GGA2: variants seen among roughly 807,000 people sequenced by gnomAD.
The protein encoded by GGA2 is golgi associated, gamma adaptin ear containing, ARF binding protein 2, also known as ADP-ribosylation factor-binding protein GGA2.
GGA2 carries 48 observed loss-of-function variants against 79.5 expected under a neutral mutation model. The ratio of observed to expected loss-of-function variants is 0.60; its 90% CI spans 0.48 to 0.77. GGA2 has a LOEUF of 0.77. Ranked by LOEUF, GGA2 falls within the 30% of genes least tolerant of loss-of-function variation. The pLI, the probability that GGA2 is intolerant of heterozygous loss-of-function variation, is 0.00. For synonymous variants in GGA2, 317 were observed against 302.0 expected (o/e 1.05, Z -0.51); for missense variants, 770 against 774.0 (o/e 0.99, Z 0.06).
chr16:23,519,582 T>C, intron 2 of GGA2: 1 of 414,396 alleles, frequency 2.4e-6, no homozygotes, highest in South Asian at 1.7e-5. Context: ...AGAGAGATGA[T>C]TTACCTTCAG....
Position 23,465,651 on chromosome 16 carries a change from TAC to T in GGA2, c.*1937_*1938del, listed in dbSNP as rs1283336034. 2.0e-6 allele frequency: 1 copy of T among 500,724 alleles called. No homozygotes were observed. Among genetic ancestry groups the T allele is most frequent in the Non-Finnish European group, 3.6e-6 (1 of 280,932 alleles). 31.0% of individuals were successfully genotyped at this position (500,724 alleles called of 1,614,324 possible). The stretch of plus-strand genomic sequence containing the variant: ...CAACAGTAACAGAGCCTATAAAAGC[TAC>T]ACAGAGGCCGGGTGCGGTGGCTCAC... On this transcript the variant is annotated 3_prime_UTR_variant, in exon 17 of 17. Coordinates refer to ENST00000309859, the MANE Select transcript of GGA2 (RefSeq NM_015044.4).
chr16:23,491,879 T>C lies in GGA2; in HGVS notation c.352-79A>G, dbSNP rs879073213. On this transcript the variant is annotated intron_variant, in intron 4 of 16. Transcript: ENST00000309859. ...ACACTTTAACTAAAGAGGTAGCTGC[T>C]GAGGCCCAGAGACACAAGCTCCCAG... The C allele has an allele frequency of 1.1e-4, 110 of 992,188 alleles. 1 individual carries two copies. The South Asian group carries it at 1.3e-3, about 12-fold the overall frequency. The allele number at this position is 992,188 out of a possible 1,614,324, so 61.5% of individuals were successfully genotyped here.
chr16:23,466,128 T>C lies in GGA2; in HGVS notation c.*1462A>G, dbSNP rs1964434335. On this transcript the variant is annotated 3_prime_UTR_variant, in exon 17 of 17. Transcript: ENST00000309859. ...TCTCCACCAATTAGTATTGGCAGAT[T>C]TCCACTATATGTAGAAGTCAAAAGA... 1 of 152,220 alleles carries C rather than the reference T, an allele frequency of 6.6e-6. No individual in the cohort carries two copies. Among genetic ancestry groups the C allele is most frequent in the Admixed American group, 6.5e-5 (1 of 15,270 alleles). 9.4% of individuals were successfully genotyped at this position (152,220 alleles called of 1,614,324 possible).
rs1411699429 is a variant in GGA2 at position 23,510,374 on chromosome 16, G to A, written c.38C>T (p.Thr13Ile). The change falls in exon 1 of 17, where the codon ACC (threonine) becomes ATC (isoleucine). Residue 13 changes from threonine to isoleucine, a missense_variant. Thr to Ile is a moderately conservative substitution (Grantham distance 89). Coordinates refer to ENST00000309859, the MANE Select transcript of GGA2 (RefSeq NM_015044.4). ...ATAVAAAVAG[T>I]ESAQGPPGPA... Reference sequence around the variant, plus strand: ...GCCCGGGGGACCCTGGGCCGACTCGGTTCCCGCCACAGCCGCCGCCACCGC... The same window carrying A: ...GCCCGGGGGACCCTGGGCCGACTCGATTCCCGCCACAGCCGCCGCCACCGC... 1.3e-5 allele frequency: 19 copies of A among 1,414,612 alleles called. No homozygotes were observed. The highest frequency in any genetic ancestry group is 1.8e-5 in the Non-Finnish European group (19 of 1,082,932). The allele number at this position is 1,414,612 out of a possible 1,614,324, so 87.6% of individuals were successfully genotyped here.
At chr16:23,490,464 G>A (rs1040231494) in intron 5 of GGA2, among the ~76,000 whole-genome samples, 2 of 152,210 alleles carry the variant, frequency 1.3e-5, no homozygotes, top group African/African-American at 2.4e-5. Context: ...GCCGGGAGCG[G>A]TGGCTCACGC....
At chr16:23,498,786 A>G (rs1342229330) in intron 1 of GGA2, among the ~76,000 whole-genome samples, 3 of 152,222 alleles carry the variant, frequency 2.0e-5, no homozygotes, top group African/African-American at 2.4e-5. Flanking sequence ...GGCAGAAGCC[A>G]TATCTTCCCT....
At position 23,486,184 on chromosome 16, in the gene GGA2, G is replaced by A. The variant is rs1047038776; in HGVS notation, c.661-32C>T. 5 of 1,610,036 alleles carry A rather than the reference G, an allele frequency of 3.1e-6. No individual in the cohort carries two copies. The African/African-American group carries it at 5.3e-5, about 17-fold the overall frequency. ...GGAAAAAGAGGAGGATGGGAGTGAG[G>A]GAGCAGAAACCCTGGCTGAAGCCTG... On this transcript the variant is annotated intron_variant, in intron 7 of 16. Transcript: ENST00000309859.
intron 6 of GGA2, among the ~76,000 whole-genome samples, chr16:23,487,186 T>C (rs2142127458): frequency 6.6e-6 from 1 of 152,260 alleles, no homozygotes; most frequent in East Asian, 1.9e-4. Context: ...TTCACCATGT[T>C]GGCCAGGATG....
chr16:23,479,996 C>T lies in GGA2; in HGVS notation c.1007-109G>A, dbSNP rs12598472. On this transcript the variant is annotated intron_variant, in intron 10 of 16. Coordinates refer to ENST00000309859, the MANE Select transcript of GGA2 (RefSeq NM_015044.4). Reference sequence around the variant, plus strand: ...CACCTCCTAATCAAATGGTAACGCCCTCCCTGCCCTTCCAAGAACCTTCCA... The same window carrying T: ...CACCTCCTAATCAAATGGTAACGCCTTCCCTGCCCTTCCAAGAACCTTCCA... 1,188 of 971,506 alleles carry T rather than the reference C, an allele frequency of 1.2e-3. 10 individuals are homozygous for T. The East Asian group carries it at 0.015, about 13-fold the overall frequency. The allele number at this position is 971,506 out of a possible 1,614,324, so 60.2% of individuals were successfully genotyped here.
In GGA2 at chr16:23,482,833, T is replaced by C; in HGVS notation, c.880+90A>G. ...GCTCCACGGAACCGAAAGTCCACTC[T>C]GTCTTGTTCCTGGCACAGCAGTGTG... On this transcript the variant is annotated intron_variant, in intron 9 of 16. Transcript: ENST00000309859. 5 of 836,606 alleles carry C rather than the reference T, an allele frequency of 6.0e-6. No individual in the cohort carries two copies. The East Asian group carries it at 9.8e-5, about 16-fold the overall frequency. 51.8% of individuals were successfully genotyped at this position (836,606 alleles called of 1,614,324 possible).
At chr16:23,487,297 G>A (rs1465528593) in intron 6 of GGA2, among the ~76,000 whole-genome samples, 21 of 152,158 alleles carry the variant, frequency 1.4e-4, no homozygotes, top group Admixed American at 1.4e-3. Context: ...GGTTTTCAGT[G>A]GGGTAGGGGG....
Position 23,518,298 on chromosome 16 carries a change from TC to T in GGA2, c.61+1288del, listed in dbSNP as rs755530611. ...GACACAGCTCACTGCTGCCTCGACTTCCTGGGCTCCAGCTATCCTCCCACCT... is the reference window on the plus strand; with the variant it reads ...GACACAGCTCACTGCTGCCTCGACTTCTGGGCTCCAGCTATCCTCCCACCT... On this transcript the variant is annotated intron_variant, in intron 2 of 5. Transcript: ENST00000569300. Among the ~76,000 whole-genome samples the T allele has an allele frequency of 8.2e-4, 125 of 152,148 alleles. 9 individuals are homozygous for T. The highest frequency in any genetic ancestry group is 7.4e-5 in the Non-Finnish European group (5 of 68,024).
chr16:23,469,912 G>A (rs772335526), intron 15 of GGA2, 84 bp downstream of exon 15: 20 of 1,007,052 alleles, frequency 2.0e-5, no homozygotes, highest in Non-Finnish European at 2.5e-5. Context: ...TTCTTTCCTT[G>A]ACACTCGACA....
chr16:23,510,285 G>C, intron 1 of GGA2, 36 bp downstream of exon 1: 1 of 1,347,684 alleles, frequency 7.4e-7, no homozygotes, highest in Non-Finnish European at 9.8e-7. Flanking sequence ...CACGTGCGGC[G>C]CAGCGGCTGC....
rs746500766 is a variant in GGA2 at position 23,478,676 on chromosome 16, C to G, written c.1159-175G>C. ...GATCACATGCAGCTCCTGGGCAGAC[C>G]TCCAGGAAGCAGGAGCCTGGTGCAA... On this transcript the variant is annotated intron_variant, in intron 12 of 16. Coordinates refer to ENST00000309859, the MANE Select transcript of GGA2 (RefSeq NM_015044.4). 4.0e-6 allele frequency: 3 copies of G among 752,952 alleles called. No homozygotes were observed. The Admixed American group carries it at 5.9e-5, about 15-fold the overall frequency. 46.6% of individuals were successfully genotyped at this position (752,952 alleles called of 1,614,324 possible).
chr16:23,493,832 C>T, intron 3 of GGA2: 1 of 301,764 alleles, frequency 3.3e-6, no homozygotes, highest in Non-Finnish European at 6.3e-6. Flanking sequence ...CACTGGCACT[C>T]AAGAGGCAAG....
rs1439106728 is a variant in GGA2 at position 23,479,897 on chromosome 16, C to T, written c.1007-10G>A. On this transcript the variant is annotated splice_polypyrimidine_tract_variant and intron_variant, in intron 10 of 16. Coordinates refer to ENST00000309859, the MANE Select transcript of GGA2 (RefSeq NM_015044.4). ...GCTGGATTCTGAAAGACTAGAAAGC[C>T]CAGGGTTAGGAAGAGAAGTCAGTTG... is the stretch of plus-strand genomic sequence containing the variant. 2.5e-6 allele frequency: 4 copies of T among 1,613,638 alleles called. No homozygotes were observed. In the African/African-American group the frequency reaches 4.0e-5, roughly 16 times the overall value.
Position 23,474,928 on chromosome 16 carries a change from C to A in GGA2, c.1426G>T (p.Val476Phe), listed in dbSNP as rs1351512005. The stretch of plus-strand genomic sequence containing the variant: ...CTGGGCTTAACAGACTCCAAAGGGA[C>A]AAACACTTGAGCCAGAGGTGTATTC... ...SQNTPLAQVF[V>F]PLESVKPSSL... Residue 476 changes from valine (V) to phenylalanine (F), a missense_variant, in exon 14 of 17, where the codon GTC becomes TTC. Val to Phe is a conservative substitution (Grantham distance 50). Transcript: ENST00000309859. 6.2e-7 allele frequency: 1 copy of A among 1,612,950 alleles called. No individual in the cohort carries two copies. Among genetic ancestry groups the A allele is most frequent in the Admixed American group, 1.7e-5 (1 of 59,984 alleles).
At chr16:23,484,361 G>A (rs1406117928) in intron 8 of GGA2, among the ~76,000 whole-genome samples, 1 of 152,052 alleles carries the variant, frequency 6.6e-6, no homozygotes, top group Non-Finnish European at 1.5e-5. Flanking sequence ...GAAGTCGTGC[G>A]GAGCTGAGAT....
Sources: gnomAD v4.1 joint callset for allele counts (sites outside exome capture counted in the v4.1 genomes callset) on GRCh38, gnomAD v4.1.1 for gene constraint, MANE v1.5 for transcripts, NCBI Gene and HGNC (gene_info 2026-07-23, HGNC 2026-07-21) for gene names.